The following LY75 variants were observed in gnomAD, a reference collection of about 807,000 sequenced individuals.
LY75 encodes C-type lectin domain family 13 member B.
Under a neutral mutation model 231.7 loss-of-function variants are expected in LY75, and 185 were observed. The ratio of observed to expected loss-of-function variants is 0.80; its 90% confidence interval spans 0.71 to 0.90. The LOEUF (loss-of-function observed/expected upper bound fraction) is 0.90, where lower values mean the gene tolerates loss of function less well. Ranked by LOEUF, LY75 falls within the 40% of genes least tolerant of loss-of-function variation. The probability of loss-of-function intolerance (pLI) is 0.00; values close to 1 mark genes in which losing one functional copy is unlikely to be tolerated. For synonymous variants in LY75, 668 were observed against 689.0 expected (o/e 0.97, Z 0.48); for missense variants, 1,947 against 2,050.2 (o/e 0.95, Z 0.97).
intron 21 of LY75, 35 bp from the exon 22 acceptor site, chr2:159,850,502 C>G: frequency 1.2e-6 from 2 of 1,611,316 alleles, no homozygotes; most frequent in South Asian, 2.2e-5. Flanking sequence ...CATGAGATTC[C>G]AGACACAGGA....
At chr2:159,888,958 G>A (rs1178691746) in intron 4 of LY75, among the ~76,000 whole-genome samples, 2 of 152,104 alleles carry the variant, frequency 1.3e-5, no homozygotes, top group East Asian at 3.9e-4. Flanking sequence ...TGTATAAAAA[G>A]CATTTAGTAG....
chr2:159,854,915 C>T lies in LY75; in HGVS notation c.2408G>A (p.Trp803Ter), dbSNP rs1277213586. 1 of 1,613,788 alleles carries T rather than the reference C, an allele frequency of 6.2e-7. No homozygotes were observed. Among genetic ancestry groups the T allele is most frequent in the Non-Finnish European group, 8.5e-7 (1 of 1,179,846 alleles). Reference protein sequence around the residue: ...PKGRTPKTPDWYNPDRAGIHG... With the variant: ...PKGRTPKTPD ...TTTTCTTAACTCACCTGGATTGTAC[C>T]AGTCTGGTGTTTTTGGAGTACGGCC... Residue 803 changes from tryptophan to a stop codon, truncating the protein, a stop_gained, in exon 17 of 35, where the codon TGG becomes TAG. Coordinates refer to ENST00000263636, the MANE Select transcript of LY75 (RefSeq NM_002349.4). LOFTEE classifies it high-confidence loss of function.
At chr2:159,835,666 T>C (rs1407159690) in intron 25 of LY75, 21 bp from the exon 26 acceptor site, 1 of 1,608,130 alleles carries the variant, frequency 6.2e-7, no homozygotes, top group East Asian at 2.2e-5. Context: ...CAGAAGTACA[T>C]TTCAGGTGGC....
At chr2:159,878,751 C>G (rs775042861) in intron 9 of LY75, 30 bp from the exon 10 acceptor site, 8 of 1,609,694 alleles carry the variant, frequency 5.0e-6, no homozygotes, top group Middle Eastern at 1.6e-4. Flanking sequence ...TTGTCAAACT[C>G]TTTTCCAGAC....
intron 28 of LY75, among the ~76,000 whole-genome samples, chr2:159,829,845 T>A (rs1268756545): frequency 6.6e-6 from 1 of 152,230 alleles, no homozygotes; most frequent in Non-Finnish European, 1.5e-5. Context: ...AGTCTTCTGA[T>A]CTAAAAATGC....
chr2:159,860,913 G>T, intron 14 of LY75, 24 bp from the exon 15 acceptor site: 1 of 1,613,414 alleles, frequency 6.2e-7, no homozygotes, highest in African/African-American at 1.3e-5. Flanking sequence ...AGAGGCTTGA[G>T]AATTTAAGAC....
Position 159,904,669 on chromosome 2 carries a change from C to T in LY75, c.14G>A (p.Trp5Ter). The T allele has an allele frequency of 6.8e-7, 1 of 1,475,064 alleles. No homozygotes were observed. Among genetic ancestry groups the T allele is most frequent in the Non-Finnish European group, 9.0e-7 (1 of 1,116,430 alleles). The allele number at this position is 1,475,064 out of a possible 1,614,324, so 91.4% of individuals were successfully genotyped here. Residue 5 changes from tryptophan (W) to a stop codon, truncating the protein, a stop_gained, in exon 1 of 35, where the codon TGG (tryptophan) becomes TAG (stop). Transcript: ENST00000263636. LOFTEE classifies it high-confidence loss of function. MRTG[W>*]ATPRRPAGLL... ...CCCCGCCGGGCGGCGAGGGGTCGCC[C>T]AGCCTGTCCTCATCCTGAGCTGGCG...
At chr2:159,839,987 C>T (rs1399715793) in intron 25 of LY75, among the ~76,000 whole-genome samples, 1 of 53,816 alleles carries the variant, frequency 1.9e-5, no homozygotes, top group Non-Finnish European at 3.4e-5. Flanking sequence ...GCCTGGGTGA[C>T]AGAACAAGAA....
At chr2:159,827,295 A>G (rs1437811863) in intron 28 of LY75, among the ~76,000 whole-genome samples, 1 of 152,210 alleles carries the variant, frequency 6.6e-6, no homozygotes, top group Non-Finnish European at 1.5e-5. Context: ...AAAATTGGGC[A>G]AAGGATATGA....
chr2:159,883,817 T>C (rs1248142596), intron 6 of LY75, among the ~76,000 whole-genome samples: 2 of 152,186 alleles, frequency 1.3e-5, no homozygotes, highest in Non-Finnish European at 2.9e-5. Context: ...CCCCTCAGAT[T>C]CTTTATTTTA....
intron 12 of LY75, among the ~76,000 whole-genome samples, chr2:159,873,028 C>T (rs112968092): frequency 0.042 from 6,448 of 151,980 alleles, 419 homozygotes; most frequent in African/African-American, 0.15. Flanking sequence ...TATTTTCTGA[C>T]GAGGAACAAC....
intron 23 of LY75, 46 bp downstream of exon 23, chr2:159,849,934 G>A: frequency 6.3e-7 from 1 of 1,577,724 alleles, no homozygotes; most frequent in Non-Finnish European, 8.6e-7. Context: ...AAAGACTCAA[G>A]TATTTCACAG....
In LY75 at chr2:159,848,093, T is replaced by TACACACACACACACACACAC. The variant is rs773757343; in HGVS notation, c.3150+1886_3150+1887insGTGTGTGTGTGTGTGTGTGT. 1.4e-3 allele frequency among the ~76,000 whole-genome samples: 40 copies of TACACACACACACACACACAC among 28,476 alleles called. 1 individual carries two copies. Among genetic ancestry groups the TACACACACACACACACACAC allele is most frequent in the South Asian group, 3.5e-3 (4 of 1,140 alleles). 18.7% of individuals were successfully genotyped at this position (28,476 alleles called of 152,430 possible). On this transcript the variant is annotated intron_variant, in intron 23 of 34. Transcript: ENST00000263636. ...GTATATATATATATATATATATATA[T>TACACACACACACACACACAC]ACACACACACATACACACACCATAT...
At chr2:159,893,056 T>A (rs531125558) in intron 3 of LY75, among the ~76,000 whole-genome samples, 1 of 152,346 alleles carries the variant, frequency 6.6e-6, no homozygotes, top group African/African-American at 2.4e-5. Flanking sequence ...AAGCTCCTGA[T>A]CTAGGACTCA....
chr2:159,842,075 G>A (rs1262370556), intron 24 of LY75, among the ~76,000 whole-genome samples, 170 bp downstream of exon 24: 1 of 151,938 alleles, frequency 6.6e-6, no homozygotes, highest in African/African-American at 2.4e-5. Flanking sequence ...GGGGGTACAT[G>A]TGTAGGATTG....
At chr2:159,883,107 C>T (rs1283046775) in intron 6 of LY75, among the ~76,000 whole-genome samples, 1 of 128,698 alleles carries the variant, frequency 7.8e-6, no homozygotes, top group African/African-American at 3.0e-5. Flanking sequence ...GAAAACACAG[C>T]ATCTCTGGGG....
At chr2:159,849,352 A>G (rs1684310801) in intron 23 of LY75, among the ~76,000 whole-genome samples, 1 of 152,190 alleles carries the variant, frequency 6.6e-6, no homozygotes, top group Non-Finnish European at 1.5e-5. Context: ...CAGCATAACT[A>G]CTGTCAGTAT....
intron 11 of LY75, 152 bp downstream of exon 11, chr2:159,878,172 C>T (rs1394027080): frequency 2.9e-6 from 3 of 1,046,020 alleles, no homozygotes; most frequent in African/African-American, 3.2e-5. Context: ...AAGACATAGC[C>T]ACTGCTTCTA....
At chr2:159,872,636 A>G in intron 12 of LY75, 43 bp from the exon 13 acceptor site, 1 of 1,594,564 alleles carries the variant, frequency 6.3e-7, no homozygotes. Flanking sequence ...GTATTATCAT[A>G]AAGTATTTCA....
Sources: allele counts gnomAD v4.1 joint callset (sites outside exome capture counted in the v4.1 genomes callset), GRCh38; gene constraint gnomAD v4.1.1; transcripts MANE v1.5; gene names NCBI Gene and HGNC (gene_info 2026-07-23, HGNC 2026-07-21).